GMEB1: variants seen among roughly 807,000 people sequenced by gnomAD.
The protein encoded by GMEB1 is glucocorticoid modulatory element binding protein 1, also known as glucocorticoid modulatory element-binding protein 1.
Under a neutral mutation model 52.4 loss-of-function variants are expected in GMEB1, and 6 were observed. The ratio of observed to expected loss-of-function variants is 0.11; its 90% CI spans 0.06 to 0.23. The LOEUF is 0.23. Ranked by LOEUF, GMEB1 falls within the 10% of genes least tolerant of loss-of-function variation. The pLI, the probability that GMEB1 is intolerant of heterozygous loss-of-function variation, is 1.00. For synonymous variants in GMEB1, 255 were observed against 244.9 expected (o/e 1.04, Z -0.38); for missense variants, 486 against 685.6 (o/e 0.71, Z 3.25).
intron 2 of GMEB1, among the ~76,000 whole-genome samples, chr1:28,684,329 C>T (rs182902776): frequency 6.5e-4 from 99 of 151,968 alleles, no homozygotes; most frequent in African/African-American, 2.2e-3. Context: ...TTTGGGAGGC[C>T]GAGGCGCGTG....
intron 1 of GMEB1, among the ~76,000 whole-genome samples, chr1:28,670,528 A>G (rs1463871249): frequency 6.6e-6 from 1 of 152,118 alleles, no homozygotes; most frequent in Non-Finnish European, 1.5e-5. Context: ...GGGTTTCACC[A>G]TGTTGGCCAG....
upstream of GMEB1, chr1:28,668,717 C>T (rs1668716639): frequency 1.3e-5 from 2 of 153,800 alleles, no homozygotes; most frequent in Non-Finnish European, 2.9e-5. Context: ...CCGGCGGCGG[C>T]GGCCGGAAGT....
At position 28,704,371 on chromosome 1, in the gene GMEB1, A is replaced by G. The variant is rs146574227; in HGVS notation, c.868+42A>G. The G allele has an allele frequency of 3.3e-5, 52 of 1,563,118 alleles. No individual in the cohort carries two copies. In the Admixed American group the frequency reaches 4.7e-4, roughly 14 times the overall value. On this transcript the variant is annotated intron_variant, in intron 8 of 9. Transcript: ENST00000373816. ...TAACAGTAGCAGTGATTTATTGAAT[A>G]CTCACCTCCGTAGGCAGGTCCTGTA...
chr1:28,681,755 T>C (rs560768597), intron 1 of GMEB1, among the ~76,000 whole-genome samples: 18 of 151,984 alleles, frequency 1.2e-4, no homozygotes, highest in African/African-American at 4.3e-4. Flanking sequence ...CAGGCTGGAG[T>C]GCAATGGCAT....
chr1:28,700,804 G>A (rs957596562), intron 6 of GMEB1, among the ~76,000 whole-genome samples: 12 of 152,086 alleles, frequency 7.9e-5, no homozygotes, highest in African/African-American at 2.4e-4. Flanking sequence ...AATATCTGGC[G>A]GTTTGAATAT....
chr1:28,680,817 G>A (rs1557498730), intron 1 of GMEB1, among the ~76,000 whole-genome samples: 2 of 151,948 alleles, frequency 1.3e-5, no homozygotes, highest in Admixed American at 1.3e-4. Context: ...GCCGAGGTGG[G>A]CAGATCACCT....
chr1:28,676,264 A>G (rs575893749), intron 1 of GMEB1, among the ~76,000 whole-genome samples: 112 of 151,966 alleles, frequency 7.4e-4, no homozygotes, highest in Non-Finnish European at 1.2e-3. Context: ...TAACTAACCC[A>G]TTTTTTTTGC....
chr1:28,678,076 C>T (rs1242501092), intron 1 of GMEB1, among the ~76,000 whole-genome samples: 3 of 151,282 alleles, frequency 2.0e-5, no homozygotes, highest in South Asian at 2.1e-4. Context: ...CCCAGCTACT[C>T]GGGAGGCTGA....
intron 6 of GMEB1, among the ~76,000 whole-genome samples, chr1:28,698,691 A>G (rs1465149635): frequency 2.1e-5 from 3 of 143,282 alleles, no homozygotes; most frequent in Non-Finnish European, 4.6e-5. Context: ...AAAAAAAAAG[A>G]AAAATGCTTT....
chr1:28,708,103 T>C (rs976200274), intron 8 of GMEB1, among the ~76,000 whole-genome samples: 1 of 152,130 alleles, frequency 6.6e-6, no homozygotes, highest in Non-Finnish European at 1.5e-5. Flanking sequence ...TTTGCCATAT[T>C]GCGCAGGCTG....
intron 1 of GMEB1, among the ~76,000 whole-genome samples, chr1:28,681,206 T>A (rs190033270): frequency 7.2e-5 from 11 of 151,970 alleles, no homozygotes; most frequent in Admixed American, 3.3e-4. Context: ...ACAGAAGGCC[T>A]CCCCAAGGAA....
At chr1:28,710,722 G>A in intron 9 of GMEB1, 80 bp downstream of exon 9, 1 of 1,098,150 alleles carries the variant, frequency 9.1e-7, no homozygotes, top group Non-Finnish European at 1.2e-6. Flanking sequence ...ACTTTTGTTG[G>A]GGTAACTTTT....
intron 2 of GMEB1, among the ~76,000 whole-genome samples, chr1:28,688,020 C>CA (rs1669768201): frequency 6.6e-6 from 1 of 152,118 alleles, no homozygotes; most frequent in Non-Finnish European, 1.5e-5. Flanking sequence ...CACGGTGGCT[C>CA]ACGCCTGTAA....
rs907766970 is a variant in GMEB1, at chr1:28,718,652, A to C, written c.*3879A>C. On this transcript the variant is annotated 3_prime_UTR_variant, in exon 10 of 10. Transcript: ENST00000373816. Reference sequence around the variant, plus strand: ...TATAATTGTTTTTTTTTGTAATTTTATGTATTTTATGCATTGAAAAACATT... The same window carrying C: ...TATAATTGTTTTTTTTTGTAATTTTCTGTATTTTATGCATTGAAAAACATT... The C allele has an allele frequency of 6.6e-6, 1 of 152,058 alleles. No individual in the cohort carries two copies. The highest frequency in any genetic ancestry group is 2.4e-5 in the African/African-American group (1 of 41,408). 9.4% of individuals were successfully genotyped at this position (152,058 alleles called of 1,614,324 possible).
chr1:28,698,405 G>A (rs1251485252), intron 6 of GMEB1, among the ~76,000 whole-genome samples: 1 of 151,850 alleles, frequency 6.6e-6, no homozygotes, highest in Non-Finnish European at 1.5e-5. Flanking sequence ...CCTGGGCATG[G>A]TGGCTCACGC....
intron 1 of GMEB1, among the ~76,000 whole-genome samples, chr1:28,669,330 G>C (rs1395487186): frequency 1.3e-5 from 2 of 152,050 alleles, no homozygotes; most frequent in Non-Finnish European, 2.9e-5. Context: ...CGGGCCCTTG[G>C]ATGAGGAGCT....
chr1:28,710,140 C>CT (rs1314878188), intron 8 of GMEB1, among the ~76,000 whole-genome samples: 1 of 151,874 alleles, frequency 6.6e-6, no homozygotes, highest in East Asian at 1.9e-4. Context: ...GAGCAAGACT[C>CT]TGTCTCCAAA....
intron 8 of GMEB1, among the ~76,000 whole-genome samples, chr1:28,708,299 G>T (rs1670875046): frequency 6.6e-6 from 1 of 151,946 alleles, no homozygotes; most frequent in Admixed American, 6.6e-5. Flanking sequence ...CGAGTAGCTG[G>T]TACTACAGGT....
At chr1:28,681,943 A>C (rs1290084223) in intron 1 of GMEB1, among the ~76,000 whole-genome samples, 1 of 151,944 alleles carries the variant, frequency 6.6e-6, no homozygotes, top group African/African-American at 2.4e-5. Context: ...ACCTCAGGTG[A>C]TCCACCCGCC....
Sources: gnomAD v4.1 joint callset for allele counts (sites outside exome capture counted in the v4.1 genomes callset) on GRCh38, gnomAD v4.1.1 for gene constraint, MANE v1.5 for transcripts, NCBI Gene and HGNC (gene_info 2026-07-23, HGNC 2026-07-21) for gene names.